Variants in TMEM132C observed in about 807,000 individuals in gnomAD.
TMEM132C encodes protein phosphatase 1, regulatory subunit 152.
Under a neutral mutation model 61.4 loss-of-function variants are expected in TMEM132C, and 29 were observed. The observed-to-expected ratio is 0.47, with a 90% CI of 0.35 to 0.64. The LOEUF is 0.64. Ranked by LOEUF, TMEM132C falls within the 30% of genes least tolerant of loss-of-function variation. The pLI, the probability that TMEM132C is intolerant of heterozygous loss-of-function variation, is 0.00. For missense variants in TMEM132C, 1,408 were observed against 1,476.9 expected, an observed-to-expected ratio of 0.95 and a Z score of 0.76; for synonymous variants, 656 against 633.1, an observed-to-expected ratio of 1.04 and a Z score of -0.54.
chr12:128,417,933 G>A (rs924872372), intron 2 of TMEM132C, among the ~76,000 whole-genome samples: 1 of 152,128 alleles, frequency 6.6e-6, no homozygotes, highest in East Asian at 1.9e-4. Context: ...GTAGCACAGA[G>A]GTTACTAATG....
At chr12:128,559,731 G>A (rs1874450207) in intron 3 of TMEM132C, among the ~76,000 whole-genome samples, 1 of 152,138 alleles carries the variant, frequency 6.6e-6, no homozygotes, top group Admixed American at 6.5e-5. Context: ...GTGACTCCTG[G>A]GAAGCTCTAG....
chr12:128,617,074 A>G (rs4882792), intron 4 of TMEM132C, among the ~76,000 whole-genome samples: 50,309 of 152,166 alleles, frequency 0.33, 8,492 homozygotes, highest in East Asian at 0.39. Flanking sequence ...GTGTTTCTCA[A>G]ACATTATCGG....
chr12:128,415,269 C>T lies in TMEM132C; in HGVS notation c.623C>T (p.Pro208Leu), dbSNP rs772467701. Residue 208 changes from proline to leucine, a missense_variant, in exon 2 of 9, where the codon CCG (proline) becomes CTG (leucine). Transcript: ENST00000435159. This position sits in a 1 kb window ranked among gnomAD's most constrained non-coding sequence, Gnocchi z 5.8. ...CTCCTGTCCAGCTGGTTCAGTGCCC[C>T]GACGGTGGGTGCCGGGAGGAAGAAG... ...LELLSSWFSA[P>L]TVGAGRKKSM... 33 of 1,600,780 alleles carry T rather than the reference C, an allele frequency of 2.1e-5. No individual in the cohort carries two copies. The highest frequency in any genetic ancestry group is 1.9e-4 in the African/African-American group (14 of 74,436).
At chr12:128,618,140 T>C (rs1433488840) in intron 4 of TMEM132C, among the ~76,000 whole-genome samples, 2 of 152,194 alleles carry the variant, frequency 1.3e-5, no homozygotes, top group Non-Finnish European at 2.9e-5. Context: ...CACACCAGCA[T>C]CAGCTCTGGA....
intron 2 of TMEM132C, among the ~76,000 whole-genome samples, chr12:128,479,167 G>A (rs975961066): frequency 1.3e-5 from 2 of 152,186 alleles, no homozygotes; most frequent in African/African-American, 4.8e-5. Flanking sequence ...TAAATGATGA[G>A]AACATACCTA....
chr12:128,389,184 C>G (rs1593035726), intron 1 of TMEM132C, among the ~76,000 whole-genome samples: 2 of 152,184 alleles, frequency 1.3e-5, no homozygotes, highest in Admixed American at 6.5e-5. Flanking sequence ...ACTTAGTAAG[C>G]ACGCCCAAAT....
intron 1 of TMEM132C, among the ~76,000 whole-genome samples, chr12:128,409,912 T>C (rs2136017181): frequency 6.6e-6 from 1 of 152,320 alleles, no homozygotes; most frequent in African/African-American, 2.4e-5. Context: ...GACAAGATAG[T>C]GTCTTTGGTG....
chr12:128,532,098 G>T (rs1366302356), intron 2 of TMEM132C, among the ~76,000 whole-genome samples: 1 of 152,198 alleles, frequency 6.6e-6, no homozygotes, highest in Non-Finnish European at 1.5e-5. Flanking sequence ...TTTAAATTGT[G>T]CATTTTCAGT....
At chr12:128,507,381 T>C (rs1224885364) in intron 2 of TMEM132C, among the ~76,000 whole-genome samples, 1 of 144,318 alleles carries the variant, frequency 6.9e-6, no homozygotes, top group Non-Finnish European at 1.5e-5. Context: ...CAGGTGTTTT[T>C]TTCTTTTTTT....
chr12:128,517,265 T>TAAAC (rs1555229199), intron 2 of TMEM132C, among the ~76,000 whole-genome samples: 48 of 136,510 alleles, frequency 3.5e-4, no homozygotes, highest in Non-Finnish European at 4.6e-4. Flanking sequence ...AATAAATAAA[T>TAAAC]AAACAAACAA....
chr12:128,444,856 C>T (rs1210516535), intron 2 of TMEM132C, among the ~76,000 whole-genome samples: 1 of 152,038 alleles, frequency 6.6e-6, no homozygotes. Flanking sequence ...GAGGAACGAC[C>T]ATTAGGAAGT....
intron 4 of TMEM132C, among the ~76,000 whole-genome samples, chr12:128,629,119 C>A (rs1256355918): frequency 6.6e-6 from 1 of 152,222 alleles, no homozygotes; most frequent in African/African-American, 2.4e-5. Context: ...ATCATGCACA[C>A]TGGGACCTGC....
At chr12:128,678,455 T>C (rs1269935447) in intron 5 of TMEM132C, among the ~76,000 whole-genome samples, 1 of 152,236 alleles carries the variant, frequency 6.6e-6, no homozygotes, top group Non-Finnish European at 1.5e-5. Context: ...GCTTGAACTC[T>C]GCCACTGACA....
At chr12:128,617,031 C>A (rs4882709) in intron 4 of TMEM132C, among the ~76,000 whole-genome samples, 49,753 of 152,076 alleles carry the variant, frequency 0.33, 8,279 homozygotes, top group East Asian at 0.39. Context: ...CCCAACTTCA[C>A]CTTGGCTCAT....
chr12:128,311,825 G>T lies in TMEM132C; in HGVS notation c.85+44338G>T, dbSNP rs1871978152. Among the ~76,000 whole-genome samples the T allele has an allele frequency of 3.9e-5, 6 of 152,348 alleles. No homozygotes were observed. The Middle Eastern group carries it at 0.017, about 432-fold the overall frequency. Reference sequence around the variant, plus strand: ...TCCCCACGTCCACTGTCCACATCATGCCCTCAGCCTCTCCTGACCACCTCT... The same window carrying T: ...TCCCCACGTCCACTGTCCACATCATTCCCTCAGCCTCTCCTGACCACCTCT... On this transcript the variant is annotated intron_variant, in intron 1 of 8. Transcript: ENST00000435159.
intron 3 of TMEM132C, among the ~76,000 whole-genome samples, chr12:128,587,097 G>A (rs1028480446): frequency 5.3e-5 from 8 of 152,246 alleles, no homozygotes; most frequent in African/African-American, 9.6e-5. Flanking sequence ...CAGGGAATGC[G>A]TTCTTGTGGT....
chr12:128,568,152 G>A (rs7971045), intron 3 of TMEM132C, among the ~76,000 whole-genome samples: 5 of 152,248 alleles, frequency 3.3e-5, no homozygotes, highest in East Asian at 1.9e-4. Context: ...TGATTGCTTC[G>A]TTTCTTTTCA....
intron 1 of TMEM132C, among the ~76,000 whole-genome samples, chr12:128,394,122 G>A (rs972059340): frequency 1.3e-5 from 2 of 152,084 alleles, no homozygotes; most frequent in African/African-American, 4.8e-5. Flanking sequence ...CTTACATGGC[G>A]GCAGACAAAA....
Position 128,267,321 on chromosome 12 carries a change from G to A in TMEM132C, c.-82G>A. 1.1e-6 allele frequency: 1 copy of A among 891,554 alleles called. No homozygotes were observed. The highest frequency in any genetic ancestry group is 1.3e-6 in the Non-Finnish European group (1 of 745,610). 55.2% of individuals were successfully genotyped at this position (891,554 alleles called of 1,614,324 possible). On this transcript the variant is annotated 5_prime_UTR_variant, in exon 1 of 9. Coordinates refer to ENST00000435159, the MANE Select transcript of TMEM132C (RefSeq NM_001136103.3). Reference sequence around the variant, plus strand: ...CGACCGGGCTGCGGGAGTGGCCCCGGGCATGGGGCGGCCGGCGGGGGCCGC... The same window carrying A: ...CGACCGGGCTGCGGGAGTGGCCCCGAGCATGGGGCGGCCGGCGGGGGCCGC...
Sources: allele counts gnomAD v4.1 joint callset (sites outside exome capture counted in the v4.1 genomes callset), GRCh38; gene constraint gnomAD v4.1.1; non-coding constraint Gnocchi (gnomAD v3.1); transcripts MANE v1.5; gene names NCBI Gene and HGNC (gene_info 2026-07-23, HGNC 2026-07-21).